WWTR1: variants seen among roughly 807,000 people sequenced by gnomAD.
WWTR1 encodes WW domain containing transcription regulator 1, also known as WW domain-containing transcription regulator protein 1.
In WWTR1, 13 loss-of-function variants were observed where a neutral mutation model predicts 40.1. That is an observed-to-expected ratio of 0.32 (90% CI 0.21 to 0.52). The LOEUF (loss-of-function observed/expected upper bound fraction) is 0.52. WWTR1 is among the 20% of genes least tolerant of loss of function. The pLI, the probability that WWTR1 is intolerant of heterozygous loss-of-function variation, is 0.97. For missense variants in WWTR1, 436 were observed against 523.1 expected (o/e 0.83, Z 1.63); for synonymous variants, 230 against 210.1 (o/e 1.09, Z -0.82).
intron 1 of WWTR1, among the ~76,000 whole-genome samples, chr3:149,699,895 T>C (rs189385732): frequency 6.6e-6 from 1 of 152,348 alleles, no homozygotes; most frequent in East Asian, 1.9e-4. Context: ...TTTCTACATC[T>C]TCAAATATCT....
chr3:149,641,636 C>G (rs1712178306), intron 2 of WWTR1, among the ~76,000 whole-genome samples: 1 of 152,222 alleles, frequency 6.6e-6, no homozygotes, highest in Admixed American at 6.5e-5. Flanking sequence ...CTCTACTTAC[C>G]TGCCAAAGTT....
At chr3:149,534,600 C>T (rs1039096645) in intron 4 of WWTR1, among the ~76,000 whole-genome samples, 19 of 152,178 alleles carry the variant, frequency 1.2e-4, no homozygotes, top group African/African-American at 4.6e-4. Context: ...CCTAGGAATT[C>T]ACAACCCATC....
rs1417861176 is a variant in WWTR1, at chr3:149,520,193, A to T, written c.*612T>A. ...AAAATAACGAAAGATAAGCTACAAT[A>T]GGACTGTGTGCCTTTATAAATACAG... is the stretch of plus-strand genomic sequence containing the variant. On this transcript the variant is annotated 3_prime_UTR_variant, in exon 7 of 7. Transcript: ENST00000360632. 1.3e-5 allele frequency: 2 copies of T among 152,254 alleles called. No homozygotes were observed. The highest frequency in any genetic ancestry group is 2.9e-5 in the Non-Finnish European group (2 of 68,052). 9.4% of individuals were successfully genotyped at this position (152,254 alleles called of 1,614,324 possible).
rs1202409769 is a variant in WWTR1, at chr3:149,526,014, T to C, written c.1017A>G (p.Thr339=). 1 of 1,588,612 alleles carries C rather than the reference T, an allele frequency of 6.3e-7. No individual in the cohort carries two copies. Among genetic ancestry groups the C allele is most frequent in the Non-Finnish European group, 8.6e-7 (1 of 1,166,920 alleles). Residue 339 remains threonine (T), a splice_region_variant and synonymous_variant, in exon 6 of 7, where the codon ACA becomes ACG. Transcript: ENST00000360632. ...AGTGCTTGCAGGCTTTGCTCCTACC[T>C]GTATCCATCTCATCCACATTGCTGA... is the stretch of plus-strand genomic sequence containing the variant. ...DFLSNVDEMD[T]GENAGQTPMN...
At chr3:149,670,263 G>A (rs755973181) in intron 1 of WWTR1, among the ~76,000 whole-genome samples, 30 of 152,152 alleles carry the variant, frequency 2.0e-4, no homozygotes, top group African/African-American at 2.4e-5. Context: ...ATCACAGTGC[G>A]TACAGACTGC....
At chr3:149,621,541 T>C (rs1740271898) in intron 2 of WWTR1, among the ~76,000 whole-genome samples, 1 of 152,142 alleles carries the variant, frequency 6.6e-6, no homozygotes, top group Non-Finnish European at 1.5e-5. Context: ...TCTTGATGTG[T>C]TAATCAAGGT....
rs116195007 is a variant in WWTR1, at chr3:149,713,102, G to T, written n.584+4340C>A. 4.7e-3 allele frequency among the ~76,000 whole-genome samples: 708 copies of T among 152,216 alleles called. 2 individuals carry two copies. The highest frequency in any genetic ancestry group is 0.016 in the African/African-American group (684 of 41,540). On this transcript the variant is annotated intron_variant and non_coding_transcript_variant, in intron 5 of 6. Transcript: ENST00000474080. ...GCAGGGAATGTAGGTGGAGAGAAAA[G>T]GTAATACTCAGAAAAGAAAAGGGTC... is the stretch of plus-strand genomic sequence containing the variant.
At chr3:149,635,720 T>C (rs1711785742) in intron 2 of WWTR1, among the ~76,000 whole-genome samples, 1 of 152,142 alleles carries the variant, frequency 6.6e-6, no homozygotes, top group African/African-American at 2.4e-5. Flanking sequence ...AACTGAGAAA[T>C]GGGCTCTCCT....
At chr3:149,562,722 C>T (rs1737142409) in intron 3 of WWTR1, among the ~76,000 whole-genome samples, 1 of 151,720 alleles carries the variant, frequency 6.6e-6, no homozygotes, top group Non-Finnish European at 1.5e-5. Context: ...TGAGGCTTCA[C>T]TTAAATGATA....
At chr3:149,560,233 A>G (rs1737025775) in intron 3 of WWTR1, among the ~76,000 whole-genome samples, 1 of 152,238 alleles carries the variant, frequency 6.6e-6, no homozygotes, top group African/African-American at 2.4e-5. Context: ...ATTTTAATAT[A>G]TCGTAGTTTC....
At chr3:149,642,805 C>T (rs1712261823) in intron 2 of WWTR1, among the ~76,000 whole-genome samples, 1 of 151,616 alleles carries the variant, frequency 6.6e-6, no homozygotes, top group Non-Finnish European at 1.5e-5. Context: ...TCCTTATTTG[C>T]CAAAAGTTGC....
intron 2 of WWTR1, among the ~76,000 whole-genome samples, chr3:149,667,616 G>A (rs116135416): frequency 0.011 from 1,642 of 151,858 alleles, 29 homozygotes; most frequent in African/African-American, 0.037. Flanking sequence ...ATCCCACTAT[G>A]CTCCAAATTC....
chr3:149,670,963 C>G (rs1178942506), intron 1 of WWTR1: 1 of 152,024 alleles, frequency 6.6e-6, no homozygotes, highest in Non-Finnish European at 1.5e-5. Flanking sequence ...ATGAGGAGGC[C>G]GTGCAAGAGA....
At chr3:149,637,030 G>A (rs1382739387) in intron 2 of WWTR1, among the ~76,000 whole-genome samples, 1 of 146,112 alleles carries the variant, frequency 6.8e-6, no homozygotes, top group African/African-American at 2.5e-5. Context: ...TTTGGTTCTT[G>A]TCACTATGAG....
intron 2 of WWTR1, among the ~76,000 whole-genome samples, chr3:149,589,005 T>G (rs905415877): frequency 6.6e-6 from 1 of 152,150 alleles, no homozygotes; most frequent in Non-Finnish European, 1.5e-5. Context: ...GTTCTATAAT[T>G]AAGCAATATT....
intron 4 of WWTR1, among the ~76,000 whole-genome samples, chr3:149,532,225 T>C (rs767552874): frequency 6.6e-6 from 1 of 152,248 alleles, no homozygotes. Flanking sequence ...CAAGATCACA[T>C]AATAAATACT....
At chr3:149,584,004 G>T (rs963811507) in intron 2 of WWTR1, among the ~76,000 whole-genome samples, 1 of 152,148 alleles carries the variant, frequency 6.6e-6, no homozygotes, top group African/African-American at 2.4e-5. Context: ...AAAGAAGTTA[G>T]TATTTTAGAG....
rs575116621 is a variant in WWTR1 at position 149,539,998 on chromosome 3, C to T, written c.771+2337G>A. Among the ~76,000 whole-genome samples, 8 of 151,406 alleles carry T rather than the reference C, an allele frequency of 5.3e-5. No homozygotes were observed. In the South Asian group the frequency reaches 1.7e-3, roughly 32 times the overall value. On this transcript the variant is annotated intron_variant, in intron 4 of 6. Coordinates refer to ENST00000360632, the MANE Select transcript of WWTR1 (RefSeq NM_015472.6). ...CCATGATTAAAAAGTCTATTTAGAC[C>T]TTTTCCTGTACTCCCTAACAAAAAT...
chr3:149,558,749 C>T (rs1031734037), intron 3 of WWTR1, among the ~76,000 whole-genome samples: 1 of 152,100 alleles, frequency 6.6e-6, no homozygotes, highest in Non-Finnish European at 1.5e-5. Context: ...AAATAACTGG[C>T]CTATATATTC....
Sources: allele counts gnomAD v4.1 joint callset (sites outside exome capture counted in the v4.1 genomes callset), GRCh38; gene constraint gnomAD v4.1.1; transcripts MANE v1.5; gene names NCBI Gene and HGNC (gene_info 2026-07-23, HGNC 2026-07-21).